FAM204A: variants seen among roughly 807,000 people sequenced by gnomAD.
FAM204A encodes the protein protein FAM204A.
A neutral mutation model predicts 35.4 loss-of-function variants in FAM204A; 16 were observed. The observed-to-expected ratio is 0.45, with a 90% CI of 0.31 to 0.69. The LOEUF (loss-of-function observed/expected upper bound fraction) is 0.69, where lower values mean the gene tolerates loss of function less well. Among genes scored for constraint, FAM204A ranks in the 30% least tolerant of loss-of-function variants. The pLI, the probability that FAM204A is intolerant of heterozygous loss-of-function variation, is 0.07. For missense variants in FAM204A, 240 were observed against 265.7 expected, an observed-to-expected ratio of 0.90 and a Z score of 0.67; for synonymous variants, 76 against 86.9, an observed-to-expected ratio of 0.88 and a Z score of 0.70.
At chr10:118,329,259 T>C (rs1446595577) in intron 6 of FAM204A, among the ~76,000 whole-genome samples, 1 of 152,192 alleles carries the variant, frequency 6.6e-6, no homozygotes, top group Non-Finnish European at 1.5e-5. Flanking sequence ...ATTATAACCA[T>C]CTCCAAACTA....
chr10:118,299,175 A>C lies in FAM204A; in HGVS notation c.*11682T>G, dbSNP rs1176697188. 6.6e-6 allele frequency: 1 copy of C among 152,116 alleles called. No individual in the cohort carries two copies. The highest frequency in any genetic ancestry group is 2.4e-5 in the African/African-American group (1 of 41,394). The allele number at this position is 152,116 out of a possible 1,614,324, so 9.4% of individuals were successfully genotyped here. A position where few individuals can be genotyped will look rare whatever the true frequency, so the allele number is the denominator to read the frequency against. On this transcript the variant is annotated 3_prime_UTR_variant, in exon 9 of 9. Transcript: ENST00000369183. ...GATTCTTGAGTATGCTAATGCCTAC[A>C]CTTTCATCTTCTCAGAAAATCTATG...
At chr10:118,339,095 T>C (rs1480421058) in intron 2 of FAM204A, among the ~76,000 whole-genome samples, 1 of 152,112 alleles carries the variant, frequency 6.6e-6, no homozygotes, top group East Asian at 1.9e-4. Context: ...TCAAATCAGG[T>C]AGGTTTTGAA....
intron 6 of FAM204A, among the ~76,000 whole-genome samples, chr10:118,331,605 G>C (rs1378040470): frequency 1.3e-5 from 2 of 152,076 alleles, no homozygotes; most frequent in East Asian, 3.9e-4. Context: ...AGCTTTTAAA[G>C]TCAAACTATA....
intron 7 of FAM204A, among the ~76,000 whole-genome samples, chr10:118,314,273 A>AGGTTAG (rs1845996781): frequency 6.6e-6 from 1 of 152,196 alleles, no homozygotes; most frequent in African/African-American, 2.4e-5. Context: ...ACCTTGGCTT[A>AGGTTAG]GGTTAAATAA....
chr10:118,326,267 T>C (rs1846196134), intron 6 of FAM204A, 24 bp from the exon 7 acceptor site: 1 of 1,592,948 alleles, frequency 6.3e-7, no homozygotes, highest in South Asian at 1.1e-5. Flanking sequence ...AAACCTAAAA[T>C]TAAGGGCTGG....
At chr10:118,334,102 C>T (rs1291376380) in intron 6 of FAM204A, among the ~76,000 whole-genome samples, 1 of 152,204 alleles carries the variant, frequency 6.6e-6, no homozygotes, top group African/African-American at 2.4e-5. Flanking sequence ...ACACAAGCGT[C>T]TTCTAAGTAT....
At position 118,311,179 on chromosome 10, in the gene FAM204A, T is replaced by C. The variant is rs1393697919; in HGVS notation, c.650+28A>G. 3 of 1,581,474 alleles carry C rather than the reference T, an allele frequency of 1.9e-6. No homozygotes were observed. The African/African-American group carries it at 4.1e-5, about 21-fold the overall frequency. On this transcript the variant is annotated intron_variant, in intron 8 of 8. Coordinates refer to ENST00000369183, the MANE Select transcript of FAM204A (RefSeq NM_022063.3). ...AGAATTTCTATGAAGTCAGGAGATT[T>C]ACTACCAAAAATCTTAAGTAAACTC...
chr10:118,341,694 A>C (rs964486363), intron 2 of FAM204A, 33 bp downstream of exon 2: 6 of 152,220 alleles, frequency 3.9e-5, no homozygotes, highest in Admixed American at 1.3e-4. Context: ...TTCAAGGCTC[A>C]TTTTAAGTCG....
intron 7 of FAM204A, among the ~76,000 whole-genome samples, chr10:118,317,772 C>T (rs919354023): frequency 2.0e-5 from 3 of 151,966 alleles, no homozygotes; most frequent in African/African-American, 7.2e-5. Flanking sequence ...ACTGAATTAC[C>T]TGTAAGAACT....
chr10:118,320,904 G>A (rs1409316003), intron 7 of FAM204A, among the ~76,000 whole-genome samples: 5 of 133,896 alleles, frequency 3.7e-5, no homozygotes, highest in Non-Finnish European at 8.3e-5. Context: ...TGTGTGTGTG[G>A]TTTTTTTTTT....
At chr10:118,336,616 TA>T (rs1174933074) in intron 2 of FAM204A, among the ~76,000 whole-genome samples, 193 bp from the exon 3 acceptor site, 3 of 150,480 alleles carry the variant, frequency 2.0e-5, no homozygotes, top group South Asian at 2.1e-4. Flanking sequence ...CTTGTGTAAG[TA>T]AAAAAAAAGT....
intron 6 of FAM204A, 170 bp from the exon 7 acceptor site, chr10:118,326,413 C>A: frequency 1.7e-6 from 1 of 589,024 alleles, no homozygotes; most frequent in Non-Finnish European, 2.9e-6. Flanking sequence ...AAGGCTGAGA[C>A]AGTAAATGGC....
At position 118,311,207 on chromosome 10, in the gene FAM204A, C is replaced by A. The variant is rs1392509847; in HGVS notation, c.650G>T (p.Gly217Val). The A allele has an allele frequency of 1.2e-6, 2 of 1,606,146 alleles. No individual in the cohort carries two copies. Among genetic ancestry groups the A allele is most frequent in the Non-Finnish European group, 8.5e-7 (1 of 1,178,266 alleles). The part of the protein sequence containing the change: ...AARKKKKLAW[G>V]FEAKKRWETK... The stretch of plus-strand genomic sequence containing the variant: ...TACCAAAAATCTTAAGTAAACTCAC[C>A]CCCATGCAAGTTTCTTCTTTTTTCG... The change falls in exon 8 of 9, where the codon GGG (glycine) becomes GTG (valine). Residue 217 changes from glycine (G) to valine (V), a missense_variant and splice_region_variant. By Grantham distance (109) the Gly-to-Val change is moderately radical (BLOSUM62 -3). This residue lies in a region of FAM204A where 8 missense variants were observed against 22.9 expected (regional missense o/e 0.35). Transcript: ENST00000369183.
At chr10:118,317,436 CAGATAAACAT>C (rs1279853194) in intron 7 of FAM204A, among the ~76,000 whole-genome samples, 1 of 151,832 alleles carries the variant, frequency 6.6e-6, no homozygotes, top group Non-Finnish European at 1.5e-5. Flanking sequence ...GTTAAAAGCA[CAGATAAACAT>C]AATTAAAAGA....
chr10:118,335,975 T>TG, intron 3 of FAM204A: 1 of 572,442 alleles, frequency 1.7e-6, no homozygotes, highest in African/African-American at 1.9e-5. Flanking sequence ...TTTTTTTTTT[T>TG]CCCCCTCCGT....
At chr10:118,335,514 A>T (rs973836493) in intron 4 of FAM204A, 40 bp downstream of exon 4, 1 of 1,597,376 alleles carries the variant, frequency 6.3e-7, no homozygotes. Context: ...GTCACAACTT[A>T]GCATTAGCAC....
intron 7 of FAM204A, among the ~76,000 whole-genome samples, chr10:118,313,380 G>C (rs182455739): frequency 6.6e-6 from 1 of 152,136 alleles, no homozygotes; most frequent in African/African-American, 2.4e-5. Context: ...ATGGCTCTTC[G>C]ATGCTTTAGT....
chr10:118,324,070 T>G (rs755275455), intron 7 of FAM204A, among the ~76,000 whole-genome samples: 2 of 152,110 alleles, frequency 1.3e-5, no homozygotes, highest in Non-Finnish European at 2.9e-5. Flanking sequence ...CAACACACTT[T>G]CAAATTCACT....
chr10:118,315,697 G>A (rs1036150516), intron 7 of FAM204A, among the ~76,000 whole-genome samples: 1 of 152,066 alleles, frequency 6.6e-6, no homozygotes, highest in African/African-American at 2.4e-5. Flanking sequence ...TGTCAAGCAA[G>A]TTACCTAGGA....
Sources: gnomAD v4.1 joint callset for allele counts (sites outside exome capture counted in the v4.1 genomes callset) on GRCh38, gnomAD v4.1.1 for gene constraint, gnomAD v4.1.1 regional missense constraint, MANE v1.5 for transcripts, NCBI Gene and HGNC (gene_info 2026-07-23, HGNC 2026-07-21) for gene names.